PCDHGB6: variants seen among roughly 807,000 people sequenced by gnomAD.
The protein encoded by PCDHGB6 is protocadherin gamma-B6.
In PCDHGB6, 51 loss-of-function variants were observed where a neutral mutation model predicts 59.1. The ratio of observed to expected loss-of-function variants is 0.86; its 90% CI spans 0.69 to 1.09. PCDHGB6 has a LOEUF of 1.09. PCDHGB6 is among the 50% of genes least tolerant of loss of function. PCDHGB6 has a pLI of 0.00. For missense variants in PCDHGB6, 1,148 were observed against 1,205.1 expected, an observed-to-expected ratio of 0.95 and a Z score of 0.70; for synonymous variants, 466 against 495.1, an observed-to-expected ratio of 0.94 and a Z score of 0.78.
chr5:141,430,809 G>A (rs949727881), intron 1 of PCDHGB6: 5 of 1,527,014 alleles, frequency 3.3e-6, no homozygotes, highest in Non-Finnish European at 4.4e-6. Context: ...GTCCTGCTGG[G>A]AATCCTCCTG....
In PCDHGB6 at chr5:141,414,114, T is replaced by C. The variant is rs145910780; in HGVS notation, c.2418+3494T>C. The C allele has an allele frequency of 2.0e-5, 32 of 1,592,348 alleles. 2 individuals carry two copies. In the East Asian group the frequency reaches 6.3e-4, roughly 32 times the overall value. ...TAAAAATATCAGAAAATCTAGATTA[T>C]GAAGAAACCGGTTTCTATGAAATAG... On this transcript the variant is annotated intron_variant, in intron 1 of 3. Coordinates refer to ENST00000520790, the MANE Select transcript of PCDHGB6 (RefSeq NM_018926.3).
In PCDHGB6 at chr5:141,431,140, C is replaced by G. The variant is rs145692116; in HGVS notation, c.2418+20520C>G. The G allele has an allele frequency of 6.2e-7, 1 of 1,614,208 alleles. No individual in the cohort carries two copies. The highest frequency in any genetic ancestry group is 1.7e-5 in the Admixed American group (1 of 60,038). On this transcript the variant is annotated intron_variant, in intron 1 of 3. Transcript: ENST00000520790. This position sits in a 1 kb window ranked among gnomAD's most constrained non-coding sequence, Gnocchi z 4.8. The stretch of plus-strand genomic sequence containing the variant: ...TAGAAGTAGAAGTAAGGGACATTAA[C>G]GACAATGCGCCTTACTTTCGTGAAA...
chr5:141,409,023 A>C lies in PCDHGB6; in HGVS notation c.821A>C (p.Asn274Thr). 6.2e-7 allele frequency: 1 copy of C among 1,614,044 alleles called. No homozygotes were observed. Among genetic ancestry groups the C allele is most frequent in the Non-Finnish European group, 8.5e-7 (1 of 1,179,908 alleles). ...GCCACTGACCAGGATGAGGGGGTCA[A>C]TGCTGAGATAAACTACTACTTCCGA... is the stretch of plus-strand genomic sequence containing the variant. ...VTATDQDEGV[N>T]AEINYYFRST... Residue 274 changes from asparagine to threonine, a missense_variant, in exon 1 of 4, where the codon AAT (asparagine) becomes ACT (threonine). Physicochemically the swap from Asn to Thr is moderately conservative, Grantham distance 65 (BLOSUM62 0). Coordinates refer to ENST00000520790, the MANE Select transcript of PCDHGB6 (RefSeq NM_018926.3).
Position 141,431,412 on chromosome 5 carries a change from GC to G in PCDHGB6, c.2418+20793del. ...CTGGTCCTTACGGCCTCCGACGGGG[GC>G]GACCCGGTGCGCACAGGCACCGCGC... On this transcript the variant is annotated intron_variant, in intron 1 of 3. Coordinates refer to ENST00000520790, the MANE Select transcript of PCDHGB6 (RefSeq NM_018926.3). The surrounding 1 kb of genome is among the most constrained non-coding windows in gnomAD (Gnocchi z 4.8). The G allele has an allele frequency of 6.2e-7, 1 of 1,613,714 alleles. No homozygotes were observed. Among genetic ancestry groups the G allele is most frequent in the Non-Finnish European group, 8.5e-7 (1 of 1,180,050 alleles).
Position 141,487,564 on chromosome 5 carries a change from G to A in PCDHGB6, c.2419-7243G>A, listed in dbSNP as rs1436847912. ...AGTCACCCAGTGCACCTATGGCAGG[G>A]GAGCCTGTTCGCCCAAGCTGCCCAC... On this transcript the variant is annotated intron_variant, in intron 1 of 3. Coordinates refer to ENST00000520790, the MANE Select transcript of PCDHGB6 (RefSeq NM_018926.3). This position sits in a 1 kb window ranked among gnomAD's most constrained non-coding sequence, Gnocchi z 5.0. 3 of 1,614,178 alleles carry A rather than the reference G, an allele frequency of 1.9e-6. No homozygotes were observed. Among genetic ancestry groups the A allele is most frequent in the Non-Finnish European group, 2.5e-6 (3 of 1,180,040 alleles).
intron 1 of PCDHGB6, chr5:141,418,233 ATGT>A: frequency 6.2e-7 from 1 of 1,614,048 alleles, no homozygotes; most frequent in Admixed American, 1.7e-5. Context: ...GTGATTGAGG[ATGT>A]TAATGACCAC....
In PCDHGB6 at chr5:141,432,645, C is replaced by A. The variant is rs758701539; in HGVS notation, c.2418+22025C>A. ...CTGCACACGGGCGAGGTGCGCACGG[C>A]GCGAGCCCTGCTGGACAGAGACGCG... On this transcript the variant is annotated intron_variant, in intron 1 of 3. Coordinates refer to ENST00000520790, the MANE Select transcript of PCDHGB6 (RefSeq NM_018926.3). This position sits in a 1 kb window ranked among gnomAD's most constrained non-coding sequence, Gnocchi z 6.0. The A allele has an allele frequency of 1.2e-5, 20 of 1,613,628 alleles. No individual in the cohort carries two copies. The highest frequency in any genetic ancestry group is 1.6e-4 in the Middle Eastern group (1 of 6,066).
At chr5:141,417,932 T>A (rs1398348549) in intron 1 of PCDHGB6, 2 of 1,611,670 alleles carry the variant, frequency 1.2e-6, no homozygotes, top group East Asian at 4.5e-5. Flanking sequence ...GCTGCCTTTG[T>A]TCTACCCCAC....
chr5:141,438,955 C>T (rs965336489), intron 1 of PCDHGB6, among the ~76,000 whole-genome samples: 3 of 151,926 alleles, frequency 2.0e-5, no homozygotes, highest in Non-Finnish European at 4.4e-5. Flanking sequence ...CATGAGCCAC[C>T]GCACCCTGCC....
chr5:141,475,741 G>C (rs1455125695), intron 1 of PCDHGB6, among the ~76,000 whole-genome samples: 1 of 152,268 alleles, frequency 6.6e-6, no homozygotes, highest in Non-Finnish European at 1.5e-5. Flanking sequence ...CCCTAAGGTA[G>C]GTTTCCTATG....
chr5:141,427,895 G>T (rs539406412), intron 1 of PCDHGB6: 3 of 1,569,228 alleles, frequency 1.9e-6, no homozygotes, highest in South Asian at 2.2e-5. Context: ...ACCAGGGCTC[G>T]CCCGCGCTCA....
chr5:141,422,996 C>T (rs1473025630), intron 1 of PCDHGB6: 1 of 1,614,224 alleles, frequency 6.2e-7, no homozygotes, highest in South Asian at 1.1e-5. Context: ...TACCTGGTGA[C>T]CAAGGTGGTT....
intron 1 of PCDHGB6, chr5:141,414,732 T>G: frequency 6.2e-7 from 1 of 1,614,186 alleles, no homozygotes; most frequent in Non-Finnish European, 8.5e-7. Context: ...GCGTCCTGTA[T>G]GCACTCAGAT....
chr5:141,437,881 G>A (rs1317504695), intron 1 of PCDHGB6, among the ~76,000 whole-genome samples: 4 of 152,026 alleles, frequency 2.6e-5, no homozygotes, highest in Admixed American at 2.6e-4. Flanking sequence ...GGGACTACAG[G>A]CACACGCCAC....
At chr5:141,483,980 G>A (rs1379963326) in intron 1 of PCDHGB6, among the ~76,000 whole-genome samples, 4 of 148,294 alleles carry the variant, frequency 2.7e-5, no homozygotes, top group Non-Finnish European at 5.9e-5. Flanking sequence ...CAAGGGAGTA[G>A]CTAGGTTGCT....
intron 1 of PCDHGB6, chr5:141,423,659 A>C (rs369390148): frequency 6.4e-7 from 1 of 1,551,038 alleles, no homozygotes; most frequent in African/African-American, 1.4e-5. Flanking sequence ...ACAAGTAATC[A>C]GGTGAGATTT....
intron 1 of PCDHGB6, chr5:141,427,746 T>A: frequency 7.9e-7 from 1 of 1,272,038 alleles, no homozygotes; most frequent in African/African-American, 1.5e-5. Flanking sequence ...AGTCTCCTAC[T>A]CCATCGTTAC....
Position 141,512,559 on chromosome 5 carries a change from C to T in PCDHGB6, c.*1386C>T, listed in dbSNP as rs1396321304. The T allele has an allele frequency of 6.5e-6, 1 of 152,904 alleles. No individual in the cohort carries two copies. The highest frequency in any genetic ancestry group is 1.5e-5 in the Non-Finnish European group (1 of 68,438). The allele number at this position is 152,904 out of a possible 1,614,324, so 9.5% of individuals were successfully genotyped here. ...CCCCAGTGCCTCCTTGTGCATAGAC[C>T]TTCTTCTCCCACCCCCTTCTGCCCC... On this transcript the variant is annotated 3_prime_UTR_variant, in exon 4 of 4. Coordinates refer to ENST00000520790, the MANE Select transcript of PCDHGB6 (RefSeq NM_018926.3).
intron 1 of PCDHGB6, among the ~76,000 whole-genome samples, chr5:141,444,357 G>C (rs1258703336): frequency 3.3e-5 from 5 of 151,798 alleles, no homozygotes; most frequent in African/African-American, 9.7e-5. Flanking sequence ...TTTTAGTAGA[G>C]ACGGGGTTTC....
Sources: gnomAD v4.1 joint callset for allele counts (sites outside exome capture counted in the v4.1 genomes callset) on GRCh38, gnomAD v4.1.1 for gene constraint, Gnocchi (gnomAD v3.1) non-coding constraint, MANE v1.5 for transcripts, NCBI Gene and HGNC (gene_info 2026-07-23, HGNC 2026-07-21) for gene names.